Variants in KIF16B observed in about 807,000 individuals in gnomAD.
KIF16B encodes the protein kinesin-like protein KIF16B.
A neutral mutation model predicts 156.3 loss-of-function variants in KIF16B; 98 were observed. The observed-to-expected ratio is 0.63, with a 90% CI of 0.53 to 0.74. The LOEUF is 0.74. Ranked by LOEUF, KIF16B falls within the 30% of genes least tolerant of loss-of-function variation. The pLI, the probability that KIF16B is intolerant of heterozygous loss-of-function variation, is 0.00. For synonymous variants in KIF16B, 564 were observed against 583.7 expected, an observed-to-expected ratio of 0.97 and a Z score of 0.49; for missense variants, 1,421 against 1,606.5, an observed-to-expected ratio of 0.88 and a Z score of 1.97.
At chr20:16,538,729 T>A (rs1363635767) in intron 1 of KIF16B, among the ~76,000 whole-genome samples, 1 of 152,222 alleles carries the variant, frequency 6.6e-6, no homozygotes, top group Non-Finnish European at 1.5e-5. Flanking sequence ...AGTTTCTACA[T>A]TTGTCCCCAC....
Position 16,455,727 on chromosome 20 carries a change from T to C in KIF16B, c.1303-25745A>G, listed in dbSNP as rs80145595. ...AGAGACAAAAGGACAGTAGGTTACATTAAGGAGTGAGAACAGGCTACAAAC... is the reference window on the plus strand; with the variant it reads ...AGAGACAAAAGGACAGTAGGTTACACTAAGGAGTGAGAACAGGCTACAAAC... On this transcript the variant is annotated intron_variant, in intron 12 of 25. Transcript: ENST00000354981. Among the ~76,000 whole-genome samples, 759 of 152,250 alleles carry C rather than the reference T, an allele frequency of 5.0e-3. 5 individuals carry two copies. The highest frequency in any genetic ancestry group is 8.3e-3 in the Non-Finnish European group (563 of 68,010).
chr20:16,536,569 T>A (rs2069973738), intron 1 of KIF16B, among the ~76,000 whole-genome samples: 1 of 152,162 alleles, frequency 6.6e-6, no homozygotes, highest in South Asian at 2.1e-4. Flanking sequence ...CTAATACACA[T>A]ACCCCATAAA....
chr20:16,507,773 T>C (rs2147028445), intron 7 of KIF16B, among the ~76,000 whole-genome samples, 185 bp downstream of exon 7: 1 of 152,348 alleles, frequency 6.6e-6, no homozygotes, highest in East Asian at 1.9e-4. Flanking sequence ...TTCAAATTAC[T>C]GTGATTGTAA....
rs1438707761 is a variant in KIF16B at position 16,354,240 on chromosome 20, TAACA to T, written c.3621+2086_3621+2089del. The stretch of plus-strand genomic sequence containing the variant: ...CTGAGTTCTATACATGAAATTGATT[TAACA>T]GTTATATTTTATTAACACATTTATC... On this transcript the variant is annotated intron_variant, in intron 23 of 25. Transcript: ENST00000354981. 3.3e-5 allele frequency among the ~76,000 whole-genome samples: 5 copies of T among 152,294 alleles called. No individual in the cohort carries two copies. In the East Asian group the frequency reaches 9.6e-4, roughly 29 times the overall value.
At chr20:16,469,396 AAAG>A (rs2067593653) in intron 12 of KIF16B, among the ~76,000 whole-genome samples, 1 of 152,058 alleles carries the variant, frequency 6.6e-6, no homozygotes, top group African/African-American at 2.4e-5. Context: ...CATGTGGATC[AAAG>A]AAGAAATCTC....
intron 15 of KIF16B, among the ~76,000 whole-genome samples, chr20:16,426,852 C>T (rs2146416199): frequency 6.6e-6 from 1 of 152,074 alleles, no homozygotes; most frequent in African/African-American, 2.4e-5. Context: ...ATTCCTTTAA[C>T]ATCTCATCTC....
At chr20:16,463,947 C>T (rs1195221760) in intron 12 of KIF16B, among the ~76,000 whole-genome samples, 2 of 152,186 alleles carry the variant, frequency 1.3e-5, no homozygotes, top group Non-Finnish European at 2.9e-5. Context: ...TCCTTTCAAT[C>T]TCCTCAACTC....
rs2062996500 is a variant in KIF16B, at chr20:16,272,275, C to T, written c.*978G>A. 1 of 152,560 alleles carries T rather than the reference C, an allele frequency of 6.6e-6. No homozygotes were observed. Among genetic ancestry groups the T allele is most frequent in the South Asian group, 2.1e-4 (1 of 4,834 alleles). 9.5% of individuals were successfully genotyped at this position (152,560 alleles called of 1,614,324 possible). ...ATTATATACATTTGAGTATATACCA[C>T]ATACATATTTTTTCCACTCACATTT... On this transcript the variant is annotated 3_prime_UTR_variant, in exon 26 of 26. Transcript: ENST00000354981.
chr20:16,572,263 T>C (rs1329408453), intron 1 of KIF16B, among the ~76,000 whole-genome samples: 2 of 152,260 alleles, frequency 1.3e-5, no homozygotes, highest in African/African-American at 2.4e-5. Context: ...TGGAAATCTT[T>C]TGATTTTATG....
At chr20:16,337,627 C>T (rs547088737) in intron 23 of KIF16B, among the ~76,000 whole-genome samples, 10 of 152,306 alleles carry the variant, frequency 6.6e-5, no homozygotes, top group South Asian at 2.1e-4. Flanking sequence ...CTGGCAAGCA[C>T]GTCACTTGAG....
At chr20:16,493,804 A>G (rs1480016948) in intron 12 of KIF16B, among the ~76,000 whole-genome samples, 1 of 152,348 alleles carries the variant, frequency 6.6e-6, no homozygotes. Flanking sequence ...ATCCCAGTCT[A>G]GTCCTTGAGA....
chr20:16,405,024 A>T (rs2065747300), intron 16 of KIF16B, 123 bp from the exon 17 acceptor site: 2 of 675,454 alleles, frequency 3.0e-6, no homozygotes, highest in Middle Eastern at 3.5e-4. Flanking sequence ...AACACGCACC[A>T]CAATTAACTG....
At chr20:16,337,686 G>T (rs1361745871) in intron 23 of KIF16B, among the ~76,000 whole-genome samples, 1 of 152,120 alleles carries the variant, frequency 6.6e-6, no homozygotes, top group African/African-American at 2.4e-5. Context: ...TTCCTCTCTG[G>T]CTTGCTCCTC....
chr20:16,352,597 T>A (rs551185300), intron 23 of KIF16B, among the ~76,000 whole-genome samples: 1 of 152,276 alleles, frequency 6.6e-6, no homozygotes, highest in African/African-American at 2.4e-5. Flanking sequence ...TCCTGACTAC[T>A]TCACGTGGCA....
chr20:16,444,501 C>T (rs1276297727), intron 12 of KIF16B, among the ~76,000 whole-genome samples: 3 of 152,184 alleles, frequency 2.0e-5, no homozygotes, highest in Admixed American at 1.3e-4. Context: ...TTGCCTGCTG[C>T]TTTTTGCTAT....
At chr20:16,273,588 C>G (rs1427799747) in intron 25 of KIF16B, among the ~76,000 whole-genome samples, 177 bp from the exon 26 acceptor site, 7 of 151,964 alleles carry the variant, frequency 4.6e-5, no homozygotes, top group Admixed American at 1.3e-4. Context: ...CACTTGAGCC[C>G]AGGAGGTAGA....
At chr20:16,346,077 C>T (rs1166462029) in intron 23 of KIF16B, among the ~76,000 whole-genome samples, 4 of 152,288 alleles carry the variant, frequency 2.6e-5, no homozygotes, top group African/African-American at 4.8e-5. Context: ...GGACCATGTC[C>T]GCAACTGTGT....
chr20:16,490,472 T>C (rs1004644353), intron 12 of KIF16B, among the ~76,000 whole-genome samples: 2 of 151,560 alleles, frequency 1.3e-5, no homozygotes, highest in Non-Finnish European at 2.9e-5. Context: ...AACTGGGAGG[T>C]AGAGGTTGCA....
At chr20:16,567,738 C>T (rs998208800) in intron 1 of KIF16B, among the ~76,000 whole-genome samples, 1 of 152,124 alleles carries the variant, frequency 6.6e-6, no homozygotes, top group African/African-American at 2.4e-5. Flanking sequence ...ATCATGAGGT[C>T]GGGAGATCAA....
Sources: allele counts gnomAD v4.1 joint callset (sites outside exome capture counted in the v4.1 genomes callset), GRCh38; gene constraint gnomAD v4.1.1; transcripts MANE v1.5; gene names NCBI Gene and HGNC (gene_info 2026-07-23, HGNC 2026-07-21).